KIAA1328: variants seen among roughly 807,000 people sequenced by gnomAD.
KIAA1328 encodes protein hinderin.
A neutral mutation model predicts 68.1 loss-of-function variants in KIAA1328; 52 were observed. The observed-to-expected ratio is 0.76, with a 90% CI of 0.61 to 0.96. The LOEUF (loss-of-function observed/expected upper bound fraction) is 0.96. Ranked by LOEUF, KIAA1328 falls within the 40% of genes least tolerant of loss-of-function variation. KIAA1328 has a pLI of 0.00. For synonymous variants in KIAA1328, 232 were observed against 239.4 expected, an observed-to-expected ratio of 0.97 and a Z score of 0.28; for missense variants, 641 against 677.6, an observed-to-expected ratio of 0.95 and a Z score of 0.60.
At chr18:36,916,499 A>G (rs1278367482) in intron 5 of KIAA1328, among the ~76,000 whole-genome samples, 1 of 152,058 alleles carries the variant, frequency 6.6e-6, no homozygotes, top group Non-Finnish European at 1.5e-5. Flanking sequence ...ATATAATTAT[A>G]GTAGCTACTT....
intron 5 of KIAA1328, among the ~76,000 whole-genome samples, chr18:36,886,751 C>T (rs192385552): frequency 5.3e-5 from 8 of 152,108 alleles, no homozygotes; most frequent in East Asian, 1.9e-4. Context: ...TTTTTATTGG[C>T]GGTATCATCA....
chr18:37,139,529 T>C (rs762443979), intron 7 of KIAA1328, among the ~76,000 whole-genome samples: 3 of 152,146 alleles, frequency 2.0e-5, no homozygotes, highest in Non-Finnish European at 4.4e-5. Flanking sequence ...ATGGTTATTA[T>C]TGGACCTGCC....
At chr18:37,025,896 A>G (rs976715354) in intron 6 of KIAA1328, among the ~76,000 whole-genome samples, 4 of 152,198 alleles carry the variant, frequency 2.6e-5, no homozygotes, top group Admixed American at 2.6e-4. Flanking sequence ...AAGGAAATAG[A>G]GACACAAAAA....
chr18:36,959,117 T>C (rs1372825230), intron 5 of KIAA1328, among the ~76,000 whole-genome samples, 191 bp from the exon 6 acceptor site: 1 of 152,226 alleles, frequency 6.6e-6, no homozygotes, highest in African/African-American at 2.4e-5. Context: ...TTACTCTCTT[T>C]GTGAAGTATT....
chr18:37,192,565 A>T (rs963543178), intron 9 of KIAA1328, among the ~76,000 whole-genome samples: 3 of 152,196 alleles, frequency 2.0e-5, no homozygotes, highest in Non-Finnish European at 2.9e-5. Flanking sequence ...ATTCTCCAGC[A>T]GTCAGCTTAC....
intron 7 of KIAA1328, among the ~76,000 whole-genome samples, chr18:37,139,123 A>G (rs1599399139): frequency 6.6e-6 from 1 of 151,750 alleles, no homozygotes; most frequent in African/African-American, 2.4e-5. Context: ...TGCCTGGCTA[A>G]CTTTTATTTT....
At chr18:37,048,144 A>G (rs375377504) in intron 6 of KIAA1328, among the ~76,000 whole-genome samples, 2 of 152,216 alleles carry the variant, frequency 1.3e-5, no homozygotes, top group African/African-American at 2.4e-5. Context: ...GCAGCACTCA[A>G]ATAAGCGAAC....
At chr18:37,199,049 A>G (rs894742679) in intron 9 of KIAA1328, among the ~76,000 whole-genome samples, 1 of 152,214 alleles carries the variant, frequency 6.6e-6, no homozygotes, top group Admixed American at 6.5e-5. Context: ...TGTCTTTGCC[A>G]TATTTGGGGA....
chr18:37,001,389 C>T (rs1263700526), intron 6 of KIAA1328, among the ~76,000 whole-genome samples: 1 of 152,022 alleles, frequency 6.6e-6, no homozygotes, highest in Non-Finnish European at 1.5e-5. Flanking sequence ...AAAAGTCTCC[C>T]AACAAAGAAA....
chr18:37,075,758 G>T (rs2056706820), intron 7 of KIAA1328: 1 of 152,134 alleles, frequency 6.6e-6, no homozygotes, highest in African/African-American at 2.4e-5. Context: ...AATGGTAAAG[G>T]TATCAATTCA....
intron 6 of KIAA1328, among the ~76,000 whole-genome samples, chr18:37,002,780 A>G (rs892925798): frequency 5.9e-5 from 9 of 152,132 alleles, no homozygotes; most frequent in African/African-American, 2.2e-4. Context: ...AGCAATCTAT[A>G]GATTTAGTGC....
chr18:37,093,522 G>A (rs1018207339), intron 7 of KIAA1328, among the ~76,000 whole-genome samples: 30 of 152,174 alleles, frequency 2.0e-4, no homozygotes, highest in Admixed American at 7.8e-4. Context: ...ACAATTGAGA[G>A]CTTCAGCAAT....
At chr18:36,924,417 A>T (rs2151120907) in intron 5 of KIAA1328, among the ~76,000 whole-genome samples, 1 of 152,260 alleles carries the variant, frequency 6.6e-6, no homozygotes, top group Admixed American at 6.5e-5. Flanking sequence ...AAAAAAAGAT[A>T]GGAGGATTTG....
intron 7 of KIAA1328, among the ~76,000 whole-genome samples, chr18:37,119,656 GT>G (rs1258960309): frequency 2.0e-5 from 3 of 152,228 alleles, no homozygotes; most frequent in Admixed American, 6.5e-5. Context: ...CAAATTGGGG[GT>G]TAGGCCTTCA....
intron 7 of KIAA1328, among the ~76,000 whole-genome samples, chr18:37,105,424 G>A (rs986118284): frequency 6.9e-6 from 1 of 144,866 alleles, no homozygotes; most frequent in African/African-American, 2.6e-5. Flanking sequence ...CCAGGACTTC[G>A]AAGTTATAGT....
rs777855600 is a variant in KIAA1328 at position 36,959,313 on chromosome 18, C to T, written c.454C>T (p.Gln152Ter). The T allele has an allele frequency of 6.3e-7, 1 of 1,582,296 alleles. No homozygotes were observed. The highest frequency in any genetic ancestry group is 2.3e-5 in the East Asian group (1 of 44,110). ...ELIIKEREAL[Q>*]LQYRECQELL... ...CCCTTAATTTGCAATCTCACCTCTT[C>T]AGCTACAGTATAGAGAATGCCAAGA... Residue 152 changes from glutamine to a stop codon, truncating the protein, a stop_gained, in exon 6 of 10, where the codon CAG (glutamine) becomes TAG (stop). Transcript: ENST00000280020. LOFTEE classifies it high-confidence loss of function.
rs2060594512 is a variant in KIAA1328 at position 37,223,123 on chromosome 18, G to C, written c.*896G>C. The stretch of plus-strand genomic sequence containing the variant: ...TATGTCTACGGAAAATGCCACTAGA[G>C]AGAGAGTGATGCAAGCTGCTGCAAA... On this transcript the variant is annotated 3_prime_UTR_variant, in exon 10 of 10. Transcript: ENST00000280020. The C allele has an allele frequency of 1.0e-6, 1 of 959,786 alleles. No homozygotes were observed. Among genetic ancestry groups the C allele is most frequent in the Non-Finnish European group, 1.2e-6 (1 of 826,232 alleles). The allele number at this position is 959,786 out of a possible 1,614,324, so 59.5% of individuals were successfully genotyped here.
intron 5 of KIAA1328, among the ~76,000 whole-genome samples, chr18:36,906,979 TAAG>T (rs1456667589): frequency 3.9e-5 from 6 of 152,120 alleles, no homozygotes; most frequent in Non-Finnish European, 8.8e-5. Context: ...TATTTAGATG[TAAG>T]AAGTTTCTTC....
intron 4 of KIAA1328, among the ~76,000 whole-genome samples, chr18:36,882,701 C>G (rs1226703259): frequency 6.6e-6 from 1 of 152,156 alleles, no homozygotes; most frequent in Non-Finnish European, 1.5e-5. Flanking sequence ...ACCCCAGAAA[C>G]TAAATTTAGA....
Sources: gnomAD v4.1 joint callset for allele counts (sites outside exome capture counted in the v4.1 genomes callset) on GRCh38, gnomAD v4.1.1 for gene constraint, MANE v1.5 for transcripts, NCBI Gene and HGNC (gene_info 2026-07-23, HGNC 2026-07-21) for gene names.